The following ZMYM4 variants were observed in gnomAD, a reference collection of about 807,000 sequenced individuals.
ZMYM4 encodes the protein zinc finger MYM-type protein 4.
Under a neutral mutation model 183.2 loss-of-function variants are expected in ZMYM4, and 31 were observed. That is an observed-to-expected ratio of 0.17 (90% confidence interval 0.13 to 0.23). ZMYM4 has a LOEUF of 0.23. Ranked by LOEUF, ZMYM4 falls within the 10% of genes least tolerant of loss-of-function variation. The probability of loss-of-function intolerance (pLI) is 1.00; values close to 1 mark genes in which losing one functional copy is unlikely to be tolerated. For missense variants in ZMYM4, 1,273 were observed against 1,840.3 expected (o/e 0.69, Z 5.64); for synonymous variants, 592 against 631.2 (o/e 0.94, Z 0.93).
chr1:35,394,162 C>CTTTTTTTTTTTTTTTTTTTTT (rs34277367), intron 18 of ZMYM4, among the ~76,000 whole-genome samples: 7 of 68,430 alleles, frequency 1.0e-4, no homozygotes, highest in East Asian at 5.0e-4. Context: ...TCAGAGCTTT[C>CTTTTTTTTTTTTTTTTTTTTT]TTTTTTTTTT....
chr1:35,277,791 A>C (rs1639946243), intron 1 of ZMYM4, among the ~76,000 whole-genome samples: 1 of 152,114 alleles, frequency 6.6e-6, no homozygotes. Context: ...TTTTCAGAAA[A>C]ATGAATTGAT....
intron 1 of ZMYM4, among the ~76,000 whole-genome samples, chr1:35,284,037 C>T (rs894720160): frequency 6.6e-5 from 10 of 151,598 alleles, no homozygotes; most frequent in East Asian, 1.9e-4. Context: ...ACTGCAGTGG[C>T]GCAATCTCGG....
intron 18 of ZMYM4, among the ~76,000 whole-genome samples, chr1:35,395,109 A>AT (rs1644784705): frequency 6.6e-6 from 1 of 151,878 alleles, no homozygotes; most frequent in South Asian, 2.1e-4. Flanking sequence ...GAGGCCTGAG[A>AT]TTTTGCATTT....
chr1:35,370,888 T>G, intron 7 of ZMYM4: 1 of 330,140 alleles, frequency 3.0e-6, no homozygotes, highest in Middle Eastern at 8.6e-4. Flanking sequence ...CCCATCCTTG[T>G]TAGTTGAAGT....
In ZMYM4 at chr1:35,421,872, CCA is replaced by C. The variant is rs1425201744; in HGVS notation, c.*2197_*2198del. On this transcript the variant is annotated 3_prime_UTR_variant, in exon 30 of 30. Coordinates refer to ENST00000314607, the MANE Select transcript of ZMYM4 (RefSeq NM_005095.3). ...CTTTTTGTTCTTTTTCAGTTTTTAA[CCA>C]CTTTTAGGTTTTCCCCTTACAGAAA... 2 of 152,142 alleles carry C rather than the reference CCA, an allele frequency of 1.3e-5. No homozygotes were observed. The highest frequency in any genetic ancestry group is 6.5e-5 in the Admixed American group (1 of 15,280). 9.4% of individuals were successfully genotyped at this position (152,142 alleles called of 1,614,324 possible).
In ZMYM4 at chr1:35,269,060, A is replaced by G. The variant is rs1158739239; in HGVS notation, c.14A>G (p.Glu5Gly). 6.5e-7 allele frequency: 1 copy of G among 1,548,134 alleles called. No homozygotes were observed. Among genetic ancestry groups the G allele is most frequent in the Admixed American group, 2.0e-5 (1 of 50,810 alleles). Residue 5 changes from glutamate (E) to glycine (G), a missense_variant, in exon 1 of 30, where the codon GAG becomes GGG. Glu to Gly is a moderately conservative substitution (Grantham distance 98). Around this residue, in one of 6 missense-constraint regions of ZMYM4, gnomAD observed 384 missense variants for 465.6 expected, o/e 0.82. Coordinates refer to ENST00000314607, the MANE Select transcript of ZMYM4 (RefSeq NM_005095.3). ...GCGGGGCCCAACATGGCGGAGAGAG[A>G]GGTGGAGTCCGGCCCCCGAAAGAGG... MAER[E>G]VESGPRKRFE...
At chr1:35,272,724 T>G (rs555719187) in intron 1 of ZMYM4, among the ~76,000 whole-genome samples, 51 of 152,246 alleles carry the variant, frequency 3.3e-4, no homozygotes, top group Middle Eastern at 3.4e-3. Flanking sequence ...TGTTGTTGTT[T>G]TTGAGATGGA....
At chr1:35,314,770 A>T (rs1302644068) in intron 1 of ZMYM4, among the ~76,000 whole-genome samples, 2 of 142,402 alleles carry the variant, frequency 1.4e-5, no homozygotes, top group Non-Finnish European at 3.0e-5. Flanking sequence ...CTCATGCCTA[A>T]TCCTAGCACT....
chr1:35,417,573 T>C (rs1235930835), intron 28 of ZMYM4, among the ~76,000 whole-genome samples: 4 of 152,162 alleles, frequency 2.6e-5, no homozygotes, highest in Non-Finnish European at 5.9e-5. Flanking sequence ...TTCAGTGGCT[T>C]GTACCTGTAG....
intron 2 of ZMYM4, among the ~76,000 whole-genome samples, chr1:35,326,724 A>G (rs1021709404): frequency 1.2e-4 from 18 of 152,188 alleles, no homozygotes; most frequent in Admixed American, 1.0e-3. Context: ...GACTGGGACA[A>G]TTTAGACACG....
chr1:35,378,615 G>A (rs1469731699), intron 7 of ZMYM4, among the ~76,000 whole-genome samples: 1 of 152,168 alleles, frequency 6.6e-6, no homozygotes, highest in Non-Finnish European at 1.5e-5. Context: ...AAAGTTAAAA[G>A]TAGAAGCTGG....
intron 1 of ZMYM4, among the ~76,000 whole-genome samples, chr1:35,308,448 T>C (rs1641647001): frequency 6.6e-6 from 1 of 152,180 alleles, no homozygotes; most frequent in South Asian, 2.1e-4. Context: ...TTTCAGACTT[T>C]TAGGCCCAAT....
intron 1 of ZMYM4, among the ~76,000 whole-genome samples, chr1:35,274,616 T>TAAAA (rs75013095): frequency 1.4e-4 from 19 of 134,640 alleles, no homozygotes; most frequent in African/African-American, 5.4e-4. Flanking sequence ...TTTTTTTTTT[T>TAAAA]AAAAAAAAAA....
chr1:35,334,941 GA>G (rs1642909815), intron 2 of ZMYM4, among the ~76,000 whole-genome samples: 1 of 152,024 alleles, frequency 6.6e-6, no homozygotes, highest in Non-Finnish European at 1.5e-5. Flanking sequence ...GGAATACTTC[GA>G]AAACTTTTTA....
intron 26 of ZMYM4, among the ~76,000 whole-genome samples, chr1:35,411,045 G>A (rs1639869088): frequency 6.6e-6 from 1 of 151,862 alleles, no homozygotes; most frequent in African/African-American, 2.4e-5. Context: ...TTTGTATGTG[G>A]TTATCCAGTT....
At position 35,405,011 on chromosome 1, in the gene ZMYM4, G is replaced by T. The variant is rs761025921; in HGVS notation, c.3529-12G>T. 6.4e-7 allele frequency: 1 copy of T among 1,553,006 alleles called. No homozygotes were observed. Among genetic ancestry groups the T allele is most frequent in the Non-Finnish European group, 8.7e-7 (1 of 1,151,198 alleles). ...AAATTTTATGTTCTGTAAATTTTTG[G>T]AATTCTTACAGGGACGGAAGAAGTC... On this transcript the variant is annotated splice_polypyrimidine_tract_variant and intron_variant, in intron 23 of 29. Transcript: ENST00000314607.
intron 1 of ZMYM4, among the ~76,000 whole-genome samples, chr1:35,290,115 G>A (rs1334299086): frequency 1.3e-5 from 2 of 152,044 alleles, no homozygotes; most frequent in Non-Finnish European, 1.5e-5. Context: ...TTACAGATGC[G>A]CACTACCACG....
chr1:35,300,441 T>C (rs1351142465), intron 1 of ZMYM4, among the ~76,000 whole-genome samples: 1 of 152,244 alleles, frequency 6.6e-6, no homozygotes, highest in Admixed American at 6.5e-5. Context: ...TTGAGCATTC[T>C]GATTCTGTGA....
At chr1:35,304,459 TC>T (rs932351317) in intron 1 of ZMYM4, among the ~76,000 whole-genome samples, 5 of 151,894 alleles carry the variant, frequency 3.3e-5, no homozygotes, top group Non-Finnish European at 5.9e-5. Context: ...GATTTTTTTT[TC>T]TTTTTTTTTT....
Sources: gnomAD v4.1 joint callset for allele counts (sites outside exome capture counted in the v4.1 genomes callset) on GRCh38, gnomAD v4.1.1 for gene constraint, gnomAD v4.1.1 regional missense constraint, MANE v1.5 for transcripts, NCBI Gene and HGNC (gene_info 2026-07-23, HGNC 2026-07-21) for gene names.